Variants in NGEF observed in about 807,000 individuals in gnomAD.
NGEF encodes the protein ephexin-1.
A neutral mutation model predicts 80.9 loss-of-function variants in NGEF; 31 were observed. The observed-to-expected ratio is 0.38, with a 90% CI of 0.29 to 0.52. NGEF has a LOEUF of 0.52. Ranked by LOEUF, NGEF falls within the 20% of genes least tolerant of loss-of-function variation. The pLI is 0.84. For synonymous variants in NGEF, 371 were observed against 370.2 expected (o/e 1.00, Z -0.03); for missense variants, 709 against 926.2 (o/e 0.77, Z 3.04).
At chr2:232,918,459 C>T (rs776803664) in intron 5 of NGEF, among the ~76,000 whole-genome samples, 6 of 151,874 alleles carry the variant, frequency 4.0e-5, no homozygotes, top group African/African-American at 7.3e-5. Context: ...ATTATTGTAA[C>T]GGATTTGTTT....
At chr2:232,960,909 G>T (rs1367456649) in intron 3 of NGEF, among the ~76,000 whole-genome samples, 1 of 152,172 alleles carries the variant, frequency 6.6e-6, no homozygotes, top group African/African-American at 2.4e-5. Context: ...AATGGCCAGA[G>T]AATTTAATGA....
intron 1 of NGEF, among the ~76,000 whole-genome samples, chr2:232,983,348 T>C (rs1574653062): frequency 6.6e-6 from 1 of 150,444 alleles, no homozygotes; most frequent in South Asian, 2.1e-4. Flanking sequence ...CCCCGAGCGG[T>C]GAGGGAAGGA....
intron 5 of NGEF, among the ~76,000 whole-genome samples, chr2:232,904,078 G>A (rs938575): frequency 0.22 from 33,088 of 151,932 alleles, 4,195 homozygotes; most frequent in Non-Finnish European, 0.29. Context: ...ACAATTCGCC[G>A]CCCTGTGGTT....
At chr2:232,897,000 G>C (rs1373907412) in intron 5 of NGEF, among the ~76,000 whole-genome samples, 1 of 131,258 alleles carries the variant, frequency 7.6e-6, no homozygotes, top group East Asian at 2.4e-4. Context: ...GTAGGGGTGC[G>C]GGTGAGGGTA....
At chr2:232,937,453 A>G (rs1158162814) in intron 3 of NGEF, among the ~76,000 whole-genome samples, 2 of 152,162 alleles carry the variant, frequency 1.3e-5, no homozygotes, top group South Asian at 2.1e-4. Context: ...TCATTGCTCA[A>G]TGGAGTTAAT....
At chr2:232,908,169 C>T (rs1447260507) in intron 5 of NGEF, among the ~76,000 whole-genome samples, 2 of 152,168 alleles carry the variant, frequency 1.3e-5, no homozygotes, top group Non-Finnish European at 2.9e-5. Context: ...TGTATATTGT[C>T]TTACTAAACA....
rs1424651821 is a variant in NGEF, at chr2:232,889,230, C to T, written c.1273-1123G>A. Among the ~76,000 whole-genome samples, 2 of 152,242 alleles carry T rather than the reference C, an allele frequency of 1.3e-5. 1 individual carries two copies. Among genetic ancestry groups the T allele is most frequent in the Middle Eastern group, 6.3e-3 (2 of 316 alleles). ...CTGAACAGCACGGTTTAGACGCCAT[C>T]TTTTCTCACAGGCATAAAAGCTGCA... On this transcript the variant is annotated intron_variant, in intron 8 of 14. Coordinates refer to ENST00000264051, the MANE Select transcript of NGEF (RefSeq NM_019850.3).
intron 1 of NGEF, among the ~76,000 whole-genome samples, chr2:233,000,754 T>C (rs547814846): frequency 2.2e-4 from 29 of 130,234 alleles, no homozygotes; most frequent in East Asian, 2.0e-3. Context: ...AGCGAGACTC[T>C]GTCTCAAAAA....
chr2:232,993,802 A>C (rs897497080), intron 1 of NGEF, among the ~76,000 whole-genome samples: 6 of 152,194 alleles, frequency 3.9e-5, no homozygotes, highest in Non-Finnish European at 8.8e-5. Context: ...GCTAAGTGAA[A>C]GAAGCCAGTC....
At chr2:232,891,670 T>C (rs1691889057) in intron 7 of NGEF, among the ~76,000 whole-genome samples, 183 bp from the exon 8 acceptor site, 2 of 152,192 alleles carry the variant, frequency 1.3e-5, no homozygotes, top group Non-Finnish European at 2.9e-5. Context: ...CAAATAACAA[T>C]AGTGGCTTCA....
At chr2:232,883,067 ACACACACACACACACG>A (rs1387383930) in intron 12 of NGEF, among the ~76,000 whole-genome samples, 1 of 149,976 alleles carries the variant, frequency 6.7e-6, no homozygotes, top group African/African-American at 2.4e-5. Flanking sequence ...ACACACACAC[ACACACACACACACACG>A]CACACACGCA....
At position 232,885,309 on chromosome 2, in the gene NGEF, T is replaced by G; in HGVS notation, c.1408A>C (p.Ile470Leu). Residue 470 changes from isoleucine to leucine, a missense_variant, in exon 10 of 15, where the codon ATT (isoleucine) becomes CTT (leucine). This residue lies in a region of NGEF where 426 missense variants were observed against 622.9 expected (regional missense o/e 0.68). Transcript: ENST00000264051. ...KMSRTEQMIS[I>L]QKKMEFKIKS... ...ATCTTGAACTCCATCTTCTTCTGAA[T>G]GCTGATCATCTGTTCCGTGCGGCTC... The G allele has an allele frequency of 6.2e-7, 1 of 1,614,110 alleles. No homozygotes were observed. Among genetic ancestry groups the G allele is most frequent in the Non-Finnish European group, 8.5e-7 (1 of 1,180,016 alleles).
chr2:232,994,735 T>C (rs1328136753), intron 1 of NGEF, among the ~76,000 whole-genome samples: 1 of 152,088 alleles, frequency 6.6e-6, no homozygotes, highest in Admixed American at 6.5e-5. Context: ...GGACAAATGT[T>C]ATCCAACTCC....
intron 5 of NGEF, among the ~76,000 whole-genome samples, chr2:232,899,737 C>A (rs1692223725): frequency 6.6e-6 from 1 of 150,694 alleles, no homozygotes; most frequent in Non-Finnish European, 1.5e-5. Flanking sequence ...CACGTTCACT[C>A]ACATTCACTT....
chr2:232,988,080 T>TGTGTGTGA (rs1694574028), intron 1 of NGEF, among the ~76,000 whole-genome samples: 1 of 148,440 alleles, frequency 6.7e-6, no homozygotes, highest in Non-Finnish European at 1.5e-5. Flanking sequence ...TGTGTGTGTG[T>TGTGTGTGA]GTGAGTGACA....
chr2:232,937,907 A>G (rs184080438), intron 3 of NGEF, among the ~76,000 whole-genome samples: 1 of 152,168 alleles, frequency 6.6e-6, no homozygotes, highest in African/African-American at 2.4e-5. Flanking sequence ...GAGTCCAAAA[A>G]CCATCAAAAC....
intron 13 of NGEF, among the ~76,000 whole-genome samples, chr2:232,881,655 T>A (rs1691508821): frequency 6.6e-6 from 1 of 152,136 alleles, no homozygotes; most frequent in African/African-American, 2.4e-5. Flanking sequence ...CAATCTCAGC[T>A]CACTGCAACC....
At chr2:232,929,626 C>T (rs962261360) in intron 3 of NGEF, among the ~76,000 whole-genome samples, 2 of 152,222 alleles carry the variant, frequency 1.3e-5, no homozygotes, top group African/African-American at 4.8e-5. Context: ...CCAAGCACCG[C>T]CCTTCCTTGA....
At chr2:232,970,089 G>T in intron 3 of NGEF, 125 bp downstream of exon 3, 1 of 456,396 alleles carries the variant, frequency 2.2e-6, no homozygotes, top group Non-Finnish European at 3.8e-6. Flanking sequence ...TTTTAGCACG[G>T]GCAACCAAAA....
Sources: gnomAD v4.1 joint callset for allele counts (sites outside exome capture counted in the v4.1 genomes callset) on GRCh38, gnomAD v4.1.1 for gene constraint, gnomAD v4.1.1 regional missense constraint, MANE v1.5 for transcripts, NCBI Gene and HGNC (gene_info 2026-07-23, HGNC 2026-07-21) for gene names.